Variants in EDIL3 observed in about 807,000 individuals in gnomAD.
EDIL3 encodes EGF-like repeat and discoidin I-like domain-containing protein 3.
EDIL3 carries 37 observed loss-of-function variants against 67.4 expected under a neutral mutation model. That is an observed-to-expected ratio of 0.55 (90% CI 0.42 to 0.72). The LOEUF is 0.72. EDIL3 is among the 30% of genes least tolerant of loss of function. EDIL3 has a pLI of 0.00. For synonymous variants in EDIL3, 195 were observed against 196.3 expected (o/e 0.99, Z 0.05); for missense variants, 527 against 586.3 (o/e 0.90, Z 1.04).
intron 1 of EDIL3, among the ~76,000 whole-genome samples, chr5:84,339,998 A>C (rs2112175812): frequency 6.6e-6 from 1 of 152,160 alleles, no homozygotes; most frequent in Non-Finnish European, 1.5e-5. Context: ...CATAGAAGAA[A>C]CTATTCTTCA....
At chr5:84,052,145 G>A (rs1416420535) in intron 9 of EDIL3, among the ~76,000 whole-genome samples, 6 of 152,116 alleles carry the variant, frequency 3.9e-5, no homozygotes, top group Non-Finnish European at 7.3e-5. Context: ...AGAGAGTGGG[G>A]GCCAATATTT....
chr5:84,255,042 G>A (rs1357100265), intron 1 of EDIL3, among the ~76,000 whole-genome samples: 3 of 152,084 alleles, frequency 2.0e-5, no homozygotes, highest in African/African-American at 4.8e-5. Context: ...GGAGATTTCC[G>A]GGCAGACTGT....
Position 84,042,755 on chromosome 5 carries a change from A to T in EDIL3, c.1137+17545T>A, listed in dbSNP as rs564495921. 7.9e-5 allele frequency among the ~76,000 whole-genome samples: 12 copies of T among 152,278 alleles called. No individual in the cohort carries two copies. In the South Asian group the frequency reaches 2.5e-3, roughly 32 times the overall value. ...ATAGTATGGCTTGTTAAATGAGGAA[A>T]ATCTGTAACGCAAAAAATAATGATG... On this transcript the variant is annotated intron_variant, in intron 9 of 10. Coordinates refer to ENST00000296591, the MANE Select transcript of EDIL3 (RefSeq NM_005711.5).
intron 1 of EDIL3, among the ~76,000 whole-genome samples, chr5:84,287,596 C>T (rs1745833520): frequency 6.6e-6 from 1 of 152,074 alleles, no homozygotes; most frequent in African/African-American, 2.4e-5. Context: ...AATTTCTGTA[C>T]TATGGAAGGA....
chr5:84,228,348 T>C (rs1234987195), intron 3 of EDIL3, among the ~76,000 whole-genome samples: 3 of 152,024 alleles, frequency 2.0e-5, no homozygotes, highest in Admixed American at 6.6e-5. Flanking sequence ...TACACCACAA[T>C]AGACAGACAT....
At chr5:84,152,911 T>C (rs1185384312) in intron 4 of EDIL3, among the ~76,000 whole-genome samples, 2 of 152,206 alleles carry the variant, frequency 1.3e-5, no homozygotes, top group African/African-American at 4.8e-5. Flanking sequence ...TAAAAATACA[T>C]ATTTTTGAAA....
At chr5:84,362,769 T>G (rs1469845854) in intron 1 of EDIL3, among the ~76,000 whole-genome samples, 2 of 152,160 alleles carry the variant, frequency 1.3e-5, no homozygotes, top group Non-Finnish European at 2.9e-5. Flanking sequence ...AACTCTAGAT[T>G]GGTTTACTAT....
At chr5:84,321,095 T>C (rs1746638690) in intron 1 of EDIL3, among the ~76,000 whole-genome samples, 1 of 152,214 alleles carries the variant, frequency 6.6e-6, no homozygotes, top group Admixed American at 6.5e-5. Flanking sequence ...AATGAAATCA[T>C]AGTGATATTT....
At chr5:84,022,401 T>C (rs1268768645) in intron 9 of EDIL3, among the ~76,000 whole-genome samples, 2 of 151,882 alleles carry the variant, frequency 1.3e-5, no homozygotes, top group Non-Finnish European at 2.9e-5. Flanking sequence ...AAACTAGGCA[T>C]TAAAAGACCA....
chr5:83,981,937 A>G (rs1744977664), intron 9 of EDIL3, among the ~76,000 whole-genome samples: 1 of 152,008 alleles, frequency 6.6e-6, no homozygotes, highest in South Asian at 2.1e-4. Context: ...TAAATATGGC[A>G]AAAAAACATG....
At chr5:83,962,019 G>T (rs1201206506) in intron 10 of EDIL3, among the ~76,000 whole-genome samples, 1 of 151,236 alleles carries the variant, frequency 6.6e-6, no homozygotes, top group African/African-American at 2.4e-5. Context: ...GACTAGATGT[G>T]GCTTTTCAAA....
intron 6 of EDIL3, among the ~76,000 whole-genome samples, chr5:84,105,454 G>T (rs1293245992): frequency 6.6e-6 from 1 of 152,012 alleles, no homozygotes; most frequent in African/African-American, 2.4e-5. Flanking sequence ...AAGTATGGAA[G>T]TCTTGCCTCT....
At position 83,942,182 on chromosome 5, in the gene EDIL3, T is replaced by C. The variant is rs1744234876; in HGVS notation, c.*1237A>G. ...ATGTCAATGAAACCTCCAGTATCAA[T>C]AACAAATTGTTATGATAATTGCTTA... On this transcript the variant is annotated 3_prime_UTR_variant, in exon 11 of 11. Coordinates refer to ENST00000296591, the MANE Select transcript of EDIL3 (RefSeq NM_005711.5). The C allele has an allele frequency of 6.6e-6, 1 of 152,030 alleles. No individual in the cohort carries two copies. Among genetic ancestry groups the C allele is most frequent in the Admixed American group, 6.6e-5 (1 of 15,240 alleles). 9.4% of individuals were successfully genotyped at this position (152,030 alleles called of 1,614,324 possible).
At chr5:84,308,129 G>T (rs902728263) in intron 1 of EDIL3, among the ~76,000 whole-genome samples, 5 of 151,970 alleles carry the variant, frequency 3.3e-5, no homozygotes, top group Admixed American at 6.6e-5. Context: ...TGAGAGAAGT[G>T]GACATAGGAA....
chr5:84,081,549 GA>G (rs923871128), intron 6 of EDIL3, among the ~76,000 whole-genome samples: 28 of 147,592 alleles, frequency 1.9e-4, no homozygotes, highest in Middle Eastern at 3.5e-3. Flanking sequence ...TTACCAAAAA[GA>G]AAAAAAAAAG....
chr5:84,358,890 G>A (rs552838058), intron 1 of EDIL3, among the ~76,000 whole-genome samples: 2 of 152,178 alleles, frequency 1.3e-5, no homozygotes, highest in South Asian at 2.1e-4. Flanking sequence ...GATTACAGGC[G>A]TAAGCCACCG....
At chr5:84,239,440 CT>C (rs573138726) in intron 2 of EDIL3, among the ~76,000 whole-genome samples, 228 of 149,508 alleles carry the variant, frequency 1.5e-3, no homozygotes, top group Admixed American at 3.8e-3. Flanking sequence ...TCAGCTACAT[CT>C]TTTTTTTTTA....
chr5:84,172,984 C>T (rs1208456755), intron 4 of EDIL3, among the ~76,000 whole-genome samples: 2 of 152,178 alleles, frequency 1.3e-5, no homozygotes, highest in African/African-American at 4.8e-5. Context: ...GCTCTTCAGC[C>T]TCTCAAACCT....
intron 9 of EDIL3, among the ~76,000 whole-genome samples, chr5:83,997,362 T>C (rs1028623195): frequency 6.6e-6 from 1 of 152,030 alleles, no homozygotes; most frequent in Non-Finnish European, 1.5e-5. Flanking sequence ...AATGCACAAA[T>C]TGAAGAAATA....
Sources: allele counts gnomAD v4.1 joint callset (sites outside exome capture counted in the v4.1 genomes callset), GRCh38; gene constraint gnomAD v4.1.1; transcripts MANE v1.5; gene names NCBI Gene and HGNC (gene_info 2026-07-23, HGNC 2026-07-21).